The following ZNF287 variants were observed in gnomAD, a reference collection of about 807,000 sequenced individuals.
The protein encoded by ZNF287 is zinc finger protein 287, also known as zinc finger protein with KRAB and SCAN domains 13.
A neutral mutation model predicts 73.7 loss-of-function variants in ZNF287; 31 were observed. That is an observed-to-expected ratio of 0.42 (90% confidence interval 0.32 to 0.57). The LOEUF is 0.57. ZNF287 is among the 20% of genes least tolerant of loss of function. The pLI, the probability that ZNF287 is intolerant of heterozygous loss-of-function variation, is 0.13. For missense variants in ZNF287, 641 were observed against 909.3 expected (o/e 0.70, Z 3.79); for synonymous variants, 301 against 307.2 (o/e 0.98, Z 0.21).
At position 16,549,533 on chromosome 17, in the gene ZNF287, C is replaced by A. The variant is rs1906506597; in HGVS notation, c.*2323G>T. 6.6e-6 allele frequency among the ~76,000 whole-genome samples: 1 copy of A among 152,162 alleles called. No individual in the cohort carries two copies. Among genetic ancestry groups the A allele is most frequent in the Admixed American group, 6.5e-5 (1 of 15,272 alleles). Reference sequence around the variant, plus strand: ...ATATAAGCACAGTTTGAGTATTCTGCAACCTGTACTTTGTGCAGGATGATA... The same window carrying A: ...ATATAAGCACAGTTTGAGTATTCTGAAACCTGTACTTTGTGCAGGATGATA... On this transcript the variant is annotated 3_prime_UTR_variant, in exon 6 of 6. Transcript: ENST00000395825.
chr17:16,554,770 T>C (rs1906929437), intron 5 of ZNF287, among the ~76,000 whole-genome samples: 1 of 151,996 alleles, frequency 6.6e-6, no homozygotes, highest in South Asian at 2.1e-4. Context: ...AATATAAAAA[T>C]TTAGACAGAT....
At chr17:16,556,463 A>T (rs935503723) in intron 5 of ZNF287, among the ~76,000 whole-genome samples, 1 of 152,204 alleles carries the variant, frequency 6.6e-6, no homozygotes, top group African/African-American at 2.4e-5. Flanking sequence ...TAAATTTGCT[A>T]TATTACTTTT....
chr17:16,567,866 G>A lies in ZNF287; in HGVS notation c.-135C>T. 6.9e-7 allele frequency: 1 copy of A among 1,450,324 alleles called. No individual in the cohort carries two copies. The highest frequency in any genetic ancestry group is 9.0e-7 in the Non-Finnish European group (1 of 1,107,088). 89.8% of individuals were successfully genotyped at this position (1,450,324 alleles called of 1,614,324 possible). On this transcript the variant is annotated 5_prime_UTR_variant, in exon 2 of 6. Transcript: ENST00000395825. ...GCAGCCGAGGGCAGAACAGAATCAA[G>A]GTAGAGTTAGCAGCCTTAGTGACAA... is the stretch of plus-strand genomic sequence containing the variant.
In ZNF287 at chr17:16,549,893, A is replaced by G. The variant is rs906997698; in HGVS notation, c.*1963T>C. Among the ~76,000 whole-genome samples, 3 of 152,220 alleles carry G rather than the reference A, an allele frequency of 2.0e-5. No homozygotes were observed. Among genetic ancestry groups the G allele is most frequent in the Non-Finnish European group, 4.4e-5 (3 of 68,036 alleles). On this transcript the variant is annotated 3_prime_UTR_variant, in exon 6 of 6. Coordinates refer to ENST00000395825, the MANE Select transcript of ZNF287 (RefSeq NM_020653.4). Reference sequence around the variant, plus strand: ...AACATTTCTTTGATATATGCACAAAAATATTTTTCGTTATACCAATTTTCA... The same window carrying G: ...AACATTTCTTTGATATATGCACAAAGATATTTTTCGTTATACCAATTTTCA...
In ZNF287 at chr17:16,554,699, A is replaced by T. The variant is rs375520537; in HGVS notation, c.716-1273T>A. Among the ~76,000 whole-genome samples the T allele has an allele frequency of 2.7e-4, 41 of 152,344 alleles. No individual in the cohort carries two copies. In the South Asian group the frequency reaches 8.1e-3, roughly 30 times the overall value. ...TTTGGGAGGCCAAGGTGGGTGGATC[A>T]CTTCAGGTCAGGAGTTTGAGAGCAG... is the stretch of plus-strand genomic sequence containing the variant. On this transcript the variant is annotated intron_variant, in intron 5 of 5. Coordinates refer to ENST00000395825, the MANE Select transcript of ZNF287 (RefSeq NM_020653.4).
intron 5 of ZNF287, among the ~76,000 whole-genome samples, chr17:16,560,853 A>G: frequency 6.7e-6 from 1 of 150,166 alleles, no homozygotes; most frequent in Non-Finnish European, 1.5e-5. Flanking sequence ...AATACAAAAA[A>G]TTAGCTGGGT....
Position 16,567,581 on chromosome 17 carries a change from T to G in ZNF287, c.151A>C (p.Asn51His). 1 of 1,614,150 alleles carries G rather than the reference T, an allele frequency of 6.2e-7. No individual in the cohort carries two copies. The highest frequency in any genetic ancestry group is 8.5e-7 in the Non-Finnish European group (1 of 1,180,030). Residue 51 changes from asparagine (N) to histidine (H), a missense_variant, in exon 2 of 6, where the codon AAT (asparagine) becomes CAT (histidine). Asn to His is a moderately conservative substitution (Grantham distance 68, BLOSUM62 1). Around this residue, in one of 2 missense-constraint regions of ZNF287, gnomAD observed 357 missense variants for 442.4 expected, o/e 0.81. Coordinates refer to ENST00000395825, the MANE Select transcript of ZNF287 (RefSeq NM_020653.4). ...TCTGGGTATGGAAAATTCCTAAAAT[T>G]CTGTCGACAGGTCTCAGTGTCACGC... ...FLRDTETCRQNFRNFPYPDLA... is the reference protein window; with the variant it reads ...FLRDTETCRQHFRNFPYPDLA...
chr17:16,561,956 T>C (rs989801246), intron 5 of ZNF287, among the ~76,000 whole-genome samples: 3 of 152,222 alleles, frequency 2.0e-5, no homozygotes, highest in Admixed American at 6.5e-5. Context: ...CATGCTTATG[T>C]AGAAGAATGT....
chr17:16,554,546 C>T (rs1017855776), intron 5 of ZNF287, among the ~76,000 whole-genome samples: 5 of 152,196 alleles, frequency 3.3e-5, no homozygotes, highest in South Asian at 2.1e-4. Context: ...CCTTCTTTTA[C>T]GATGCCTTCT....
chr17:16,547,284 A>G lies in ZNF287; in HGVS notation c.*4572T>C, dbSNP rs138421419. On this transcript the variant is annotated 3_prime_UTR_variant, in exon 6 of 6. Coordinates refer to ENST00000395825, the MANE Select transcript of ZNF287 (RefSeq NM_020653.4). ...TATAAACACCGTAAGTTATAGACAT[A>G]TAATAGTTAAAACACAACGTATTAG... 5.1e-4 allele frequency among the ~76,000 whole-genome samples: 78 copies of G among 152,350 alleles called. No individual in the cohort carries two copies. The highest frequency in any genetic ancestry group is 1.8e-3 in the African/African-American group (74 of 41,586).
rs939851673 is a variant in ZNF287 at position 16,563,844 on chromosome 17, CTT to C, written c.502-21_502-20del. 1.2e-6 allele frequency: 2 copies of C among 1,610,546 alleles called. No individual in the cohort carries two copies. The highest frequency in any genetic ancestry group is 1.7e-6 in the Non-Finnish European group (2 of 1,177,866). ...TCGATTCCTAAAATATCAAATGTAA[CTT>C]AACTCAGTTCAAGAACTAATGGCAA... On this transcript the variant is annotated intron_variant, in intron 3 of 5. Coordinates refer to ENST00000395825, the MANE Select transcript of ZNF287 (RefSeq NM_020653.4).
intron 5 of ZNF287, among the ~76,000 whole-genome samples, chr17:16,555,161 T>C (rs1426071243): frequency 6.6e-6 from 1 of 152,162 alleles, no homozygotes; most frequent in Non-Finnish European, 1.5e-5. Context: ...TATACTTATA[T>C]GAACCTAGAT....
chr17:16,567,543 A>T lies in ZNF287; in HGVS notation c.189T>A (p.Pro63=). 1 of 1,614,196 alleles carries T rather than the reference A, an allele frequency of 6.2e-7. No homozygotes were observed. Among genetic ancestry groups the T allele is most frequent in the Non-Finnish European group, 8.5e-7 (1 of 1,180,032 alleles). ...CTCGGAGTTGACTCAATGCCTTTCG[A>T]GGACCAGCCAGGTCTGGGTATGGAA... ...RNFPYPDLAG[P]RKALSQLREL... The change falls in exon 2 of 6, where the codon CCT becomes CCA. Residue 63 remains proline (P), a synonymous_variant. Coordinates refer to ENST00000395825, the MANE Select transcript of ZNF287 (RefSeq NM_020653.4).
At chr17:16,555,057 TTA>T (rs1906951911) in intron 5 of ZNF287, among the ~76,000 whole-genome samples, 1 of 152,198 alleles carries the variant, frequency 6.6e-6, no homozygotes, top group African/African-American at 2.4e-5. Flanking sequence ...GAATTTGGCT[TTA>T]TATGAGTACA....
At chr17:16,560,443 G>A (rs531709677) in intron 5 of ZNF287, among the ~76,000 whole-genome samples, 2 of 150,564 alleles carry the variant, frequency 1.3e-5, no homozygotes, top group Non-Finnish European at 3.0e-5. Flanking sequence ...CCCGCCTCCC[G>A]GGTTCAAGTG....
intron 3 of ZNF287, among the ~76,000 whole-genome samples, chr17:16,564,869 C>A (rs535584579): frequency 3.3e-5 from 5 of 151,964 alleles, no homozygotes; most frequent in African/African-American, 1.2e-4. Context: ...CAGGTGCACG[C>A]CACCATGCCC....
At chr17:16,565,945 C>A (rs1188572261) in intron 3 of ZNF287, among the ~76,000 whole-genome samples, 1 of 152,154 alleles carries the variant, frequency 6.6e-6, no homozygotes, top group African/African-American at 2.4e-5. Context: ...CAAGATCGCA[C>A]CACTGCACTC....
rs1227186568 is a variant in ZNF287, at chr17:16,551,726, T to C, written c.*130A>G. The C allele has an allele frequency of 1.0e-6, 1 of 973,656 alleles. No individual in the cohort carries two copies. The highest frequency in any genetic ancestry group is 1.5e-6 in the Non-Finnish European group (1 of 653,782). 60.3% of individuals were successfully genotyped at this position (973,656 alleles called of 1,614,324 possible). A position where few individuals can be genotyped will look rare whatever the true frequency, so the allele number is the denominator to read the frequency against. On this transcript the variant is annotated 3_prime_UTR_variant, in exon 6 of 6. Coordinates refer to ENST00000395825, the MANE Select transcript of ZNF287 (RefSeq NM_020653.4). ...AAATAGGTTATATCCATACCACTAC[T>C]TCTGATACTTCTGCTGAGTATCTAA...
rs868386057 is a variant in ZNF287, at chr17:16,548,456, A to C, written c.*3400T>G. ...CAACCCACATGTAAATAATCAGTTG[A>C]ATCCTGAACATGAGACATTTTTCAA... On this transcript the variant is annotated 3_prime_UTR_variant, in exon 6 of 6. Coordinates refer to ENST00000395825, the MANE Select transcript of ZNF287 (RefSeq NM_020653.4). Among the ~76,000 whole-genome samples the C allele has an allele frequency of 6.6e-6, 1 of 152,206 alleles. No homozygotes were observed. Among genetic ancestry groups the C allele is most frequent in the Non-Finnish European group, 1.5e-5 (1 of 68,026 alleles).
Sources: gnomAD v4.1 joint callset for allele counts (sites outside exome capture counted in the v4.1 genomes callset) on GRCh38, gnomAD v4.1.1 for gene constraint, gnomAD v4.1.1 regional missense constraint, MANE v1.5 for transcripts, NCBI Gene and HGNC (gene_info 2026-07-23, HGNC 2026-07-21) for gene names.